The following IL1RAPL2 variants were observed in gnomAD, a reference collection of about 807,000 sequenced individuals.
The protein encoded by IL1RAPL2 is interleukin 1 receptor accessory protein like 2, also known as X-linked interleukin-1 receptor accessory protein-like 2.
IL1RAPL2 carries 3 observed loss-of-function variants against 44.1 expected under a neutral mutation model. The observed-to-expected ratio is 0.07, with a 90% confidence interval of 0.03 to 0.18. The LOEUF (loss-of-function observed/expected upper bound fraction) is 0.18, where lower values mean the gene tolerates loss of function less well. Ranked by LOEUF, IL1RAPL2 falls within the 10% of genes least tolerant of loss-of-function variation. The probability of loss-of-function intolerance (pLI) is 1.00; values close to 1 mark genes in which losing one functional copy is unlikely to be tolerated. For synonymous variants in IL1RAPL2, 181 were observed against 178.8 expected, an observed-to-expected ratio of 1.01 and a Z score of -0.10; for missense variants, 391 against 496.4, an observed-to-expected ratio of 0.79 and a Z score of 2.02.
At chrX:104,750,113 C>A (rs1437245651) in intron 2 of IL1RAPL2, among the ~76,000 whole-genome samples, 4 of 111,871 alleles carry the variant, frequency 3.6e-5, no homozygotes, top group African/African-American at 1.3e-4. Flanking sequence ...AAATGGAGTG[C>A]TTTGCAGATT....
At chrX:104,910,264 T>A (rs1924192060) in intron 2 of IL1RAPL2, among the ~76,000 whole-genome samples, 1 of 111,866 alleles carries the variant, frequency 8.9e-6, no homozygotes, top group Admixed American at 9.4e-5. Flanking sequence ...GGCACTCTCT[T>A]GTGAGACGAA....
chrX:104,644,080 T>G (rs1929987938), intron 1 of IL1RAPL2, among the ~76,000 whole-genome samples: 1 of 111,499 alleles, frequency 9.0e-6, no homozygotes, highest in Non-Finnish European at 1.9e-5. Context: ...GTTGAAAACA[T>G]TTTTTTTAAA....
intron 2 of IL1RAPL2, among the ~76,000 whole-genome samples, chrX:104,943,387 T>C (rs1436684758): frequency 8.9e-6 from 1 of 112,033 alleles, no homozygotes; most frequent in Non-Finnish European, 1.9e-5. Flanking sequence ...CTAATAGATA[T>C]CTCAACAGTT....
intron 1 of IL1RAPL2, among the ~76,000 whole-genome samples, chrX:104,650,364 C>T (rs1930129873): frequency 9.0e-6 from 1 of 111,287 alleles, no homozygotes; most frequent in Non-Finnish European, 1.9e-5. Context: ...TGTAATAAAC[C>T]TAAATTTCAG....
At chrX:105,251,111 AAT>A (rs1049624766) in intron 4 of IL1RAPL2, among the ~76,000 whole-genome samples, 19 of 110,926 alleles carry the variant, frequency 1.7e-4, no homozygotes, top group Admixed American at 5.8e-4. Flanking sequence ...CATCTACAAA[AAT>A]AGTGGTTTAG....
chrX:104,658,610 A>G (rs1468063776), intron 1 of IL1RAPL2, among the ~76,000 whole-genome samples: 1 of 112,853 alleles, frequency 8.9e-6, no homozygotes, highest in Non-Finnish European at 1.9e-5. Flanking sequence ...AACTTAAAGT[A>G]TAATAAAAAA....
At chrX:104,613,626 T>TTTG (rs769498607) in intron 1 of IL1RAPL2, among the ~76,000 whole-genome samples, 5 of 110,398 alleles carry the variant, frequency 4.5e-5, no homozygotes, top group South Asian at 7.7e-4. Context: ...TCTGTAGTTT[T>TTTG]TTGTTGTTGT....
intron 2 of IL1RAPL2, among the ~76,000 whole-genome samples, chrX:104,950,961 C>A (rs758011061): frequency 1.7e-4 from 19 of 111,747 alleles, no homozygotes; most frequent in African/African-American, 5.8e-4. Flanking sequence ...TCTGTCACCC[C>A]TTTCTTTGAC....
intron 8 of IL1RAPL2, among the ~76,000 whole-genome samples, chrX:105,747,540 A>G (rs1457472462): frequency 7.2e-5 from 7 of 97,594 alleles, no homozygotes; most frequent in Non-Finnish European, 1.4e-4. Context: ...ATATATACAC[A>G]CACACACACA....
intron 6 of IL1RAPL2, among the ~76,000 whole-genome samples, chrX:105,687,824 A>G (rs1192698732): frequency 8.9e-6 from 1 of 111,932 alleles, no homozygotes; most frequent in East Asian, 2.8e-4. Flanking sequence ...AAAATCCTCA[A>G]TAAAAACTGG....
At chrX:104,865,601 G>A (rs1922596479) in intron 2 of IL1RAPL2, among the ~76,000 whole-genome samples, 1 of 112,101 alleles carries the variant, frequency 8.9e-6, no homozygotes, top group South Asian at 3.7e-4. Context: ...CCCTCAGTCT[G>A]GGTGGGCACC....
chrX:105,065,673 T>G (rs180830437), intron 2 of IL1RAPL2, among the ~76,000 whole-genome samples: 1 of 112,242 alleles, frequency 8.9e-6, no homozygotes, highest in Non-Finnish European at 1.9e-5. Flanking sequence ...GCTCTCACTT[T>G]TATATAAAAT....
intron 6 of IL1RAPL2, among the ~76,000 whole-genome samples, chrX:105,680,404 T>C (rs769228581): frequency 8.9e-5 from 10 of 112,352 alleles, no homozygotes; most frequent in African/African-American, 2.9e-4. Flanking sequence ...GGAAGCCAGA[T>C]ACCATGCCAG....
chrX:105,612,909 A>C (rs1239041444), intron 6 of IL1RAPL2, among the ~76,000 whole-genome samples: 1 of 111,644 alleles, frequency 9.0e-6, no homozygotes, highest in Non-Finnish European at 1.9e-5. Context: ...CTTAAAAGGC[A>C]GTCTAGGCCA....
intron 5 of IL1RAPL2, among the ~76,000 whole-genome samples, chrX:105,326,502 A>T (rs1417660034): frequency 9.0e-6 from 1 of 111,319 alleles, no homozygotes; most frequent in Admixed American, 9.6e-5. Flanking sequence ...TATTACAAAG[A>T]TTTGCTCCAA....
intron 5 of IL1RAPL2, among the ~76,000 whole-genome samples, chrX:105,410,010 C>T (rs2035683299): frequency 9.1e-6 from 1 of 110,301 alleles, no homozygotes; most frequent in Non-Finnish European, 1.9e-5. Context: ...GGAAAAACAC[C>T]TAGAGGTTTG....
rs1434001717 is a variant in IL1RAPL2 at position 105,160,250 on chromosome X, C to T, written c.83-35225C>T. 4.5e-5 allele frequency among the ~76,000 whole-genome samples: 5 copies of T among 110,675 alleles called. No homozygotes were observed. The South Asian group carries it at 1.2e-3, about 26-fold the overall frequency. ...GTGTGTGATTAAATCCCAGGTTTCT[C>T]GTGGATGATTCTGAGCTTGCCCATG... On this transcript the variant is annotated intron_variant, in intron 2 of 10. Transcript: ENST00000372582.
intron 2 of IL1RAPL2, among the ~76,000 whole-genome samples, chrX:104,809,698 A>G (rs2147617720): frequency 9.1e-6 from 1 of 110,444 alleles, no homozygotes; most frequent in South Asian, 3.9e-4. Context: ...CTCTGATGGT[A>G]GTTTCTTTTG....
At chrX:104,646,331 CAA>C (rs572432274) in intron 1 of IL1RAPL2, among the ~76,000 whole-genome samples, 84 of 68,868 alleles carry the variant, frequency 1.2e-3, no homozygotes, top group African/African-American at 1.9e-3. Context: ...GCTGGGGATG[CAA>C]AAAAAAAAAA....
Sources: gnomAD v4.1 joint callset for allele counts (sites outside exome capture counted in the v4.1 genomes callset) on GRCh38, gnomAD v4.1.1 for gene constraint, MANE v1.5 for transcripts, NCBI Gene and HGNC (gene_info 2026-07-23, HGNC 2026-07-21) for gene names.